MACROD2: variants seen among roughly 807,000 people sequenced by gnomAD.
MACROD2 encodes mono-ADP ribosylhydrolase 2.
A neutral mutation model predicts 70.4 loss-of-function variants in MACROD2; 36 were observed. That is an observed-to-expected ratio of 0.51 (90% CI 0.39 to 0.68). The LOEUF (loss-of-function observed/expected upper bound fraction) is 0.68, where lower values mean the gene tolerates loss of function less well. Ranked by LOEUF, MACROD2 falls within the 30% of genes least tolerant of loss-of-function variation. The pLI, the probability that MACROD2 is intolerant of heterozygous loss-of-function variation, is 0.00. For missense variants in MACROD2, 496 were observed against 538.4 expected (o/e 0.92, Z 0.78); for synonymous variants, 172 against 178.8 (o/e 0.96, Z 0.30).
chr20:15,078,708 C>CTT lies in MACROD2; in HGVS notation c.419-151220_419-151219dup, dbSNP rs11407171. Reference sequence around the variant, plus strand: ...TTTGAACAATCTCTTCCTTCACTTTCTTTTTTTTTTTTTCTGCAATCTTCG... The same window carrying CTT: ...TTTGAACAATCTCTTCCTTCACTTTCTTTTTTTTTTTTTTTCTGCAATCTTCG... On this transcript the variant is annotated intron_variant, in intron 5 of 17. Transcript: ENST00000684519. Among the ~76,000 whole-genome samples the CTT allele has an allele frequency of 5.4e-3, 790 of 145,924 alleles. 3 individuals carry two copies. The highest frequency in any genetic ancestry group is 8.3e-3 in the South Asian group (38 of 4,590).
chr20:16,018,087 C>T lies in MACROD2; in HGVS notation c.1154-23114C>T, dbSNP rs186308026. On this transcript the variant is annotated intron_variant, in intron 15 of 17. Transcript: ENST00000684519. ...AGCCCTCTTCATCAAATTCATTTCA[C>T]TTGAGAGATGGGGAATATGGAGCAC... 3.3e-5 allele frequency among the ~76,000 whole-genome samples: 5 copies of T among 152,170 alleles called. No homozygotes were observed. The South Asian group carries it at 6.3e-4, about 19-fold the overall frequency.
rs1230863391 is a variant in MACROD2, at chr20:14,938,940, A to ATTTTTT, written c.418+253998_418+254003dup. Among the ~76,000 whole-genome samples, 249 of 86,438 alleles carry ATTTTTT rather than the reference A, an allele frequency of 2.9e-3. 8 individuals carry two copies. The highest frequency in any genetic ancestry group is 9.5e-3 in the African/African-American group (227 of 23,816). The allele number at this position is 86,438 out of a possible 152,430, so 56.7% of individuals were successfully genotyped here. On this transcript the variant is annotated intron_variant, in intron 5 of 17. Coordinates refer to ENST00000684519, the MANE Select transcript of MACROD2 (RefSeq NM_001351661.2). Reference sequence around the variant, plus strand: ...GATATTTTTTTCATTGTTAAATCAGATTTTTTTTTTTTTTTTTTTTTTACT... The same window carrying ATTTTTT: ...GATATTTTTTTCATTGTTAAATCAGATTTTTTTTTTTTTTTTTTTTTTTTTTTTACT...
intron 5 of MACROD2, among the ~76,000 whole-genome samples, chr20:14,834,749 T>A (rs2073010039): frequency 6.6e-6 from 1 of 152,002 alleles, no homozygotes; most frequent in African/African-American, 2.4e-5. Flanking sequence ...ATTGTTAGAT[T>A]TCAGTGTTAT....
chr20:15,896,150 T>G (rs1409322018), intron 10 of MACROD2, among the ~76,000 whole-genome samples: 1 of 152,212 alleles, frequency 6.6e-6, no homozygotes, highest in African/African-American at 2.4e-5. Context: ...GAGTTATCAA[T>G]GTTTTTTTAG....
chr20:15,225,690 C>T (rs566569099), intron 5 of MACROD2, among the ~76,000 whole-genome samples: 6 of 152,084 alleles, frequency 3.9e-5, no homozygotes, highest in Admixed American at 6.6e-5. Context: ...TACATGAAGG[C>T]CTTCTTTGTC....
chr20:14,204,359 G>A (rs1265143824), intron 3 of MACROD2, among the ~76,000 whole-genome samples: 3 of 152,174 alleles, frequency 2.0e-5, no homozygotes, highest in Non-Finnish European at 4.4e-5. Flanking sequence ...TAAATGTGAG[G>A]GGATGTCAGC....
At chr20:15,333,198 T>A (rs1600253526) in intron 6 of MACROD2, among the ~76,000 whole-genome samples, 1 of 151,592 alleles carries the variant, frequency 6.6e-6, no homozygotes, top group East Asian at 1.9e-4. Context: ...TCAGCCCCAC[T>A]CCAAGCCCAG....
intron 2 of MACROD2, among the ~76,000 whole-genome samples, chr20:14,011,827 C>T (rs1177384785): frequency 6.6e-6 from 1 of 152,106 alleles, no homozygotes; most frequent in African/African-American, 2.4e-5. Flanking sequence ...CCGCGCCTGG[C>T]CTCCCCTATG....
chr20:14,448,675 A>AG (rs1279838051), intron 3 of MACROD2, among the ~76,000 whole-genome samples: 31 of 151,884 alleles, frequency 2.0e-4, no homozygotes, highest in Non-Finnish European at 3.1e-4. Context: ...CTCAGAAAAA[A>AG]AAAAGAAAGA....
At chr20:14,359,558 T>G (rs1203842664) in intron 3 of MACROD2, among the ~76,000 whole-genome samples, 1 of 152,212 alleles carries the variant, frequency 6.6e-6, no homozygotes, top group African/African-American at 2.4e-5. Context: ...GGAATCAACC[T>G]AAGTATTCAT....
intron 5 of MACROD2, among the ~76,000 whole-genome samples, chr20:15,199,552 G>A (rs1179618814): frequency 6.6e-6 from 1 of 152,092 alleles, no homozygotes; most frequent in Non-Finnish European, 1.5e-5. Context: ...TCCTGGCAGT[G>A]GTAAAGAGCC....
At position 14,558,353 on chromosome 20, in the gene MACROD2, G is replaced by A. The variant is rs554318485; in HGVS notation, c.301+64845G>A. On this transcript the variant is annotated intron_variant, in intron 4 of 17. Transcript: ENST00000684519. ...AGGGCCTGGTATGTGAATCAATAAA[G>A]CTAAAAATGTAAATGGTCTAAATAA... Among the ~76,000 whole-genome samples, 3 of 151,702 alleles carry A rather than the reference G, an allele frequency of 2.0e-5. No homozygotes were observed. The South Asian group carries it at 6.2e-4, about 31-fold the overall frequency.
At chr20:15,443,460 T>A (rs2046522706) in intron 7 of MACROD2, among the ~76,000 whole-genome samples, 1 of 152,282 alleles carries the variant, frequency 6.6e-6, no homozygotes, top group East Asian at 1.9e-4. Flanking sequence ...TACAAGTGAC[T>A]GCAAATTGAA....
intron 6 of MACROD2, among the ~76,000 whole-genome samples, chr20:15,322,185 A>G (rs2146172910): frequency 7.0e-6 from 1 of 142,572 alleles, no homozygotes; most frequent in African/African-American, 2.5e-5. Context: ...TGGTTCATGG[A>G]GCTTCAGAAA....
At chr20:14,519,193 CTT>C (rs938167860) in intron 4 of MACROD2, among the ~76,000 whole-genome samples, 9 of 152,114 alleles carry the variant, frequency 5.9e-5, no homozygotes, top group African/African-American at 1.9e-4. Context: ...ATTTTAAAAA[CTT>C]TCTCTTCTGC....
chr20:15,949,660 A>C lies in MACROD2; in HGVS notation c.907+12116A>C, dbSNP rs189395024. Among the ~76,000 whole-genome samples the C allele has an allele frequency of 5.3e-5, 8 of 152,318 alleles. No individual in the cohort carries two copies. In the East Asian group the frequency reaches 1.3e-3, roughly 26 times the overall value. On this transcript the variant is annotated intron_variant, in intron 12 of 17. Coordinates refer to ENST00000684519, the MANE Select transcript of MACROD2 (RefSeq NM_001351661.2). The stretch of plus-strand genomic sequence containing the variant: ...ACCAGACATTCCATTGGTGCCTTCC[A>C]TAGATTTTTCTGCCTGCTTTGTGTT...
At chr20:15,782,717 C>CAAAAAAAA (rs11472322) in intron 8 of MACROD2, among the ~76,000 whole-genome samples, 4 of 83,356 alleles carry the variant, frequency 4.8e-5, no homozygotes, top group African/African-American at 8.2e-5. Context: ...AGAGAAATGG[C>CAAAAAAAA]AAAAAAAAAA....
chr20:14,760,746 A>G (rs2072005096), intron 5 of MACROD2, among the ~76,000 whole-genome samples: 1 of 151,976 alleles, frequency 6.6e-6, no homozygotes, highest in Admixed American at 6.5e-5. Context: ...CCTCCATTCA[A>G]CGTTTTGAAC....
In MACROD2 at chr20:14,283,590, G is replaced by T. The variant is rs138570358; in HGVS notation, c.271+197862G>T. ...ATTTACTTAATTACAATCTCCTTTG[G>T]AAGAAATTAAACCCACAAAACATGA... On this transcript the variant is annotated intron_variant, in intron 3 of 17. Transcript: ENST00000684519. 9.4e-3 allele frequency among the ~76,000 whole-genome samples: 1,425 copies of T among 152,172 alleles called. 19 individuals carry two copies. The highest frequency in any genetic ancestry group is 0.033 in the African/African-American group (1,362 of 41,510).
Sources: allele counts gnomAD v4.1 joint callset (sites outside exome capture counted in the v4.1 genomes callset), GRCh38; gene constraint gnomAD v4.1.1; transcripts MANE v1.5; gene names NCBI Gene and HGNC (gene_info 2026-07-23, HGNC 2026-07-21).